Variants in ZW10 observed in about 807,000 individuals in gnomAD.
The protein encoded by ZW10 is centromere/kinetochore protein zw10 homolog.
A neutral mutation model predicts 87.8 loss-of-function variants in ZW10; 53 were observed. That is an observed-to-expected ratio of 0.60 (90% CI 0.48 to 0.76). The LOEUF is 0.76. ZW10 is among the 30% of genes least tolerant of loss of function. ZW10 has a pLI of 0.00. For missense variants in ZW10, 837 were observed against 923.0 expected, an observed-to-expected ratio of 0.91 and a Z score of 1.21; for synonymous variants, 312 against 329.2, an observed-to-expected ratio of 0.95 and a Z score of 0.57.
At chr11:113,738,460 A>G in intron 12 of ZW10, 66 bp from the exon 13 acceptor site, 1 of 1,503,500 alleles carries the variant, frequency 6.7e-7, no homozygotes, top group Non-Finnish European at 9.0e-7. Flanking sequence ...AAACCAGGAT[A>G]GACAAGAGAT....
chr11:113,741,573 T>G (rs1206293763), intron 11 of ZW10, 121 bp downstream of exon 11: 11 of 582,228 alleles, frequency 1.9e-5, no homozygotes, highest in Non-Finnish European at 2.9e-5. Context: ...TTACTGCATT[T>G]TAGTGTGAAT....
intron 7 of ZW10, among the ~76,000 whole-genome samples, chr11:113,757,201 G>A (rs1953797872): frequency 6.6e-6 from 1 of 152,010 alleles, no homozygotes; most frequent in Non-Finnish European, 1.5e-5. Context: ...GAAACTGGCT[G>A]TGTCTAGTGT....
At chr11:113,756,343 T>A (rs971450675) in intron 7 of ZW10, among the ~76,000 whole-genome samples, 1 of 152,128 alleles carries the variant, frequency 6.6e-6, no homozygotes, top group South Asian at 2.1e-4. Flanking sequence ...ATAAAAATGT[T>A]TATACTGGTG....
At chr11:113,768,755 C>T (rs189778444) in intron 2 of ZW10, 78 bp downstream of exon 2, 2 of 1,461,338 alleles carry the variant, frequency 1.4e-6, no homozygotes, top group Middle Eastern at 1.8e-4. Context: ...AAAAGTTGTA[C>T]ACAATTAAGC....
Position 113,736,834 on chromosome 11 carries a change from C to T in ZW10, c.2017-12G>A, listed in dbSNP as rs1953559320. The T allele has an allele frequency of 1.9e-6, 3 of 1,613,316 alleles. No homozygotes were observed. The highest frequency in any genetic ancestry group is 8.5e-7 in the Non-Finnish European group (1 of 1,179,422). ...TCAGTAGATATGTCCTGGTTTTGCACAGAGGAAACACAATAGAATAGAATT... is the reference window on the plus strand; with the variant it reads ...TCAGTAGATATGTCCTGGTTTTGCATAGAGGAAACACAATAGAATAGAATT... On this transcript the variant is annotated splice_polypyrimidine_tract_variant and intron_variant, in intron 14 of 15. Coordinates refer to ENST00000200135, the MANE Select transcript of ZW10 (RefSeq NM_004724.4).
At chr11:113,770,237 C>T (rs557422664) in intron 1 of ZW10, among the ~76,000 whole-genome samples, 20 of 151,168 alleles carry the variant, frequency 1.3e-4, no homozygotes, top group Admixed American at 2.6e-4. Flanking sequence ...TACAGGCATG[C>T]GCCACCACGC....
At chr11:113,754,368 C>G (rs568221280) in intron 7 of ZW10, among the ~76,000 whole-genome samples, 1 of 152,052 alleles carries the variant, frequency 6.6e-6, no homozygotes, top group African/African-American at 2.4e-5. Flanking sequence ...GCCTGTAATC[C>G]CAGCTACTCA....
intron 15 of ZW10, among the ~76,000 whole-genome samples, chr11:113,735,976 C>A (rs534941591): frequency 2.0e-5 from 3 of 152,072 alleles, no homozygotes; most frequent in Non-Finnish European, 4.4e-5. Context: ...TCTGAAAATG[C>A]ATCCAGGCTG....
At chr11:113,736,187 A>T (rs1953551482) in intron 15 of ZW10, among the ~76,000 whole-genome samples, 1 of 152,034 alleles carries the variant, frequency 6.6e-6, no homozygotes, top group Non-Finnish European at 1.5e-5. Context: ...AGGTGGGAGG[A>T]TCCCTTGAGC....
intron 7 of ZW10, among the ~76,000 whole-genome samples, chr11:113,748,969 C>A (rs1325506802): frequency 6.6e-6 from 1 of 152,016 alleles, no homozygotes; most frequent in East Asian, 1.9e-4. Context: ...TAATTAAGAA[C>A]CAGGCACCAA....
intron 9 of ZW10, among the ~76,000 whole-genome samples, chr11:113,744,808 G>A (rs949687236): frequency 1.3e-5 from 2 of 151,994 alleles, no homozygotes; most frequent in Non-Finnish European, 2.9e-5. Context: ...CTCCCTCCTC[G>A]ACTTCCCAAA....
At chr11:113,768,133 C>G (rs1446536716) in intron 2 of ZW10, among the ~76,000 whole-genome samples, 1 of 152,194 alleles carries the variant, frequency 6.6e-6, no homozygotes, top group Non-Finnish European at 1.5e-5. Context: ...AATAAATATA[C>G]CAAATGCCTG....
chr11:113,748,776 A>C (rs1953707127), intron 7 of ZW10, among the ~76,000 whole-genome samples: 2 of 152,212 alleles, frequency 1.3e-5, no homozygotes, highest in Admixed American at 1.3e-4. Flanking sequence ...CACTTATTTA[A>C]TAATGAATAA....
At chr11:113,771,932 T>A (rs976665540) in intron 1 of ZW10, among the ~76,000 whole-genome samples, 1 of 152,176 alleles carries the variant, frequency 6.6e-6, no homozygotes, top group Admixed American at 6.5e-5. Flanking sequence ...GTAAAGATAC[T>A]ATATACTTGA....
rs779266432 is a variant in ZW10, at chr11:113,773,546, G to A, written c.105+16C>T. The A allele has an allele frequency of 6.2e-7, 1 of 1,607,884 alleles. No homozygotes were observed. Among genetic ancestry groups the A allele is most frequent in the East Asian group, 2.2e-5 (1 of 44,810 alleles). ...GGAGTCCCCTTCCAGTCAGCAGACA[G>A]CTGCCCCGCTCTCACCTTGATCTCC... On this transcript the variant is annotated intron_variant, in intron 1 of 15. Transcript: ENST00000200135.
At chr11:113,742,971 G>T (rs1254267829) in intron 10 of ZW10, among the ~76,000 whole-genome samples, 1 of 152,298 alleles carries the variant, frequency 6.6e-6, no homozygotes, top group African/African-American at 2.4e-5. Context: ...ATGAGGATAG[G>T]AAGAATGAAA....
intron 10 of ZW10, among the ~76,000 whole-genome samples, chr11:113,742,837 G>T (rs1039834881): frequency 6.6e-6 from 1 of 152,186 alleles, no homozygotes; most frequent in African/African-American, 2.4e-5. Flanking sequence ...AGTATCTTGG[G>T]AGACATGTTC....
intron 6 of ZW10, 127 bp from the exon 7 acceptor site, chr11:113,757,980 T>G (rs1366659268): frequency 3.2e-6 from 2 of 631,862 alleles, no homozygotes; most frequent in African/African-American, 3.8e-5. Flanking sequence ...GAGGCCAGCC[T>G]GGCCAACATG....
At chr11:113,769,886 A>C (rs1201521352) in intron 1 of ZW10, 2 of 320,784 alleles carry the variant, frequency 6.2e-6, no homozygotes, top group South Asian at 5.6e-5. Context: ...GTGCCCATCC[A>C]CCTGAAATGA....
Sources: allele counts gnomAD v4.1 joint callset (sites outside exome capture counted in the v4.1 genomes callset), GRCh38; gene constraint gnomAD v4.1.1; transcripts MANE v1.5; gene names NCBI Gene and HGNC (gene_info 2026-07-23, HGNC 2026-07-21).